DZIP3: variants seen among roughly 807,000 people sequenced by gnomAD.
DZIP3 encodes the protein DAZ interacting zinc finger protein 3.
A neutral mutation model predicts 162.0 loss-of-function variants in DZIP3; 118 were observed. That is an observed-to-expected ratio of 0.73 (90% CI 0.63 to 0.85). The LOEUF (loss-of-function observed/expected upper bound fraction) is 0.85, where lower values mean the gene tolerates loss of function less well. DZIP3 is among the 40% of genes least tolerant of loss of function. DZIP3 has a pLI of 0.00. For missense variants in DZIP3, 1,331 were observed against 1,407.0 expected (o/e 0.95, Z 0.86); for synonymous variants, 438 against 458.6 (o/e 0.96, Z 0.57).
At chr3:108,624,337 T>A in intron 5 of DZIP3, 107 bp from the exon 6 acceptor site, 1 of 626,404 alleles carries the variant, frequency 1.6e-6, no homozygotes, top group Non-Finnish European at 2.8e-6. Flanking sequence ...TGATAATTTT[T>A]ACTTGTTTTA....
At chr3:108,590,501 T>C (rs1427792029) in intron 1 of DZIP3, among the ~76,000 whole-genome samples, 1 of 152,248 alleles carries the variant, frequency 6.6e-6, no homozygotes, top group Non-Finnish European at 1.5e-5. Context: ...TGTAAAAATC[T>C]TTGGGTAGCT....
chr3:108,597,545 A>G (rs185893675), intron 1 of DZIP3, among the ~76,000 whole-genome samples: 7 of 152,324 alleles, frequency 4.6e-5, no homozygotes, highest in African/African-American at 1.7e-4. Context: ...CCTATCTTCA[A>G]GATAGGTGCA....
intron 14 of DZIP3, among the ~76,000 whole-genome samples, chr3:108,645,109 T>G (rs1942567319): frequency 6.6e-6 from 1 of 152,162 alleles, no homozygotes; most frequent in Non-Finnish European, 1.5e-5. Flanking sequence ...AAAAATATAC[T>G]GCAGGCAACT....
chr3:108,659,377 A>G (rs769254832), intron 19 of DZIP3, among the ~76,000 whole-genome samples: 9 of 152,236 alleles, frequency 5.9e-5, no homozygotes, highest in Non-Finnish European at 1.2e-4. Flanking sequence ...ACAGAACCAA[A>G]GACAAAAACC....
chr3:108,610,548 A>C (rs1371341191), intron 3 of DZIP3, among the ~76,000 whole-genome samples: 1 of 152,164 alleles, frequency 6.6e-6, no homozygotes, highest in Non-Finnish European at 1.5e-5. Flanking sequence ...AGAAGTTCTT[A>C]TTTTCAGAGA....
intron 4 of DZIP3, among the ~76,000 whole-genome samples, chr3:108,614,110 G>A (rs1940870198): frequency 6.6e-6 from 1 of 152,090 alleles, no homozygotes; most frequent in Non-Finnish European, 1.5e-5. Flanking sequence ...ACTTGAAAAG[G>A]AAGTAATAAG....
At chr3:108,636,752 T>G in intron 11 of DZIP3, 44 bp downstream of exon 11, 1 of 1,368,292 alleles carries the variant, frequency 7.3e-7, no homozygotes, top group South Asian at 1.3e-5. Context: ...TTGCTTTCCT[T>G]CCTTGGAAAA....
chr3:108,630,287 A>G (rs989034617), intron 8 of DZIP3, among the ~76,000 whole-genome samples: 2 of 152,134 alleles, frequency 1.3e-5, no homozygotes, highest in African/African-American at 4.8e-5. Flanking sequence ...AAAACTTTAA[A>G]AAACTTTAAA....
intron 1 of DZIP3, among the ~76,000 whole-genome samples, chr3:108,592,705 C>CAAA (rs59524030): frequency 6.3e-5 from 4 of 63,880 alleles, no homozygotes; most frequent in African/African-American, 1.9e-4. Context: ...GACCCTGTCT[C>CAAA]AAAAAAAAAA....
intron 8 of DZIP3, among the ~76,000 whole-genome samples, chr3:108,630,609 A>C (rs995948745): frequency 3.9e-5 from 6 of 152,144 alleles, no homozygotes; most frequent in Admixed American, 3.3e-4. Flanking sequence ...TTGCTAAAGT[A>C]ATAATTTTAT....
chr3:108,683,680 A>G (rs1479548510), intron 26 of DZIP3, among the ~76,000 whole-genome samples: 1 of 152,186 alleles, frequency 6.6e-6, no homozygotes. Context: ...TCCCAGGCCC[A>G]TCCCACTTCC....
intron 4 of DZIP3, among the ~76,000 whole-genome samples, chr3:108,614,582 G>A (rs143815928): frequency 2.0e-3 from 310 of 152,206 alleles, no homozygotes; most frequent in African/African-American, 7.0e-3. Context: ...AGTATGCTCT[G>A]GACAATTCTA....
At chr3:108,599,546 T>A (rs928433871) in intron 1 of DZIP3, among the ~76,000 whole-genome samples, 1 of 152,358 alleles carries the variant, frequency 6.6e-6, no homozygotes, top group South Asian at 2.1e-4. Flanking sequence ...GCCATTTTTG[T>A]CTACACAGAG....
intron 12 of DZIP3, among the ~76,000 whole-genome samples, chr3:108,639,140 C>T (rs1474495292): frequency 6.6e-6 from 1 of 152,228 alleles, no homozygotes; most frequent in African/African-American, 2.4e-5. Flanking sequence ...GATGTTCTAT[C>T]ATGTATTTCC....
At chr3:108,625,426 T>C (rs948814696) in intron 6 of DZIP3, among the ~76,000 whole-genome samples, 2 of 152,186 alleles carry the variant, frequency 1.3e-5, no homozygotes, top group Non-Finnish European at 2.9e-5. Context: ...CAGTTAGATA[T>C]GTATATGTAT....
At chr3:108,670,488 A>G (rs1943887697) in intron 22 of DZIP3, among the ~76,000 whole-genome samples, 1 of 151,912 alleles carries the variant, frequency 6.6e-6, no homozygotes, top group Non-Finnish European at 1.5e-5. Flanking sequence ...TTTATGGATA[A>G]ATAATATTCC....
intron 1 of DZIP3, among the ~76,000 whole-genome samples, chr3:108,591,978 CA>C (rs34569028): frequency 0.39 from 42,751 of 110,150 alleles, 7,490 homozygotes; most frequent in East Asian, 0.59. Flanking sequence ...GAGACCCTGT[CA>C]AAAAAAAAAA....
intron 17 of DZIP3, among the ~76,000 whole-genome samples, chr3:108,649,404 T>C (rs1489578177): frequency 2.6e-5 from 4 of 151,816 alleles, no homozygotes; most frequent in Non-Finnish European, 3.0e-5. Flanking sequence ...CACAAAAAGG[T>C]ACAAATACAA....
At chr3:108,589,524 C>G (rs889696228), upstream of DZIP3, 1 of 545,776 alleles carries the variant, frequency 1.8e-6, no homozygotes, top group Admixed American at 3.4e-5. Context: ...CCTAGGCACC[C>G]TAGGGGACCG....
Sources: gnomAD v4.1 joint callset for allele counts (sites outside exome capture counted in the v4.1 genomes callset) on GRCh38, gnomAD v4.1.1 for gene constraint, MANE v1.5 for transcripts, NCBI Gene and HGNC (gene_info 2026-07-23, HGNC 2026-07-21) for gene names.